The following RNASEL variants were observed in gnomAD, a reference collection of about 807,000 sequenced individuals.
RNASEL encodes the protein ribonuclease L.
Under a neutral mutation model 50.9 loss-of-function variants are expected in RNASEL, and 36 were observed. The observed-to-expected ratio is 0.71, with a 90% confidence interval of 0.54 to 0.93. The LOEUF (loss-of-function observed/expected upper bound fraction) is 0.93. Among genes scored for constraint, RNASEL ranks in the 40% least tolerant of loss-of-function variants. The pLI, the probability that RNASEL is intolerant of heterozygous loss-of-function variation, is 0.00. For synonymous variants in RNASEL, 335 were observed against 335.6 expected, an observed-to-expected ratio of 1.00 and a Z score of 0.02; for missense variants, 860 against 894.5, an observed-to-expected ratio of 0.96 and a Z score of 0.49.
At chr1:182,580,126 T>C in intron 5 of RNASEL, 1 of 353,012 alleles carries the variant, frequency 2.8e-6, no homozygotes, top group Admixed American at 4.0e-5. Context: ...AATCATTAGC[T>C]ATCACTATCA....
Position 182,574,877 on chromosome 1 carries a change from GT to G in RNASEL, c.*514del. On this transcript the variant is annotated 3_prime_UTR_variant, in exon 7 of 7. Transcript: ENST00000367559. ...TGAGATTCCTGGAACCCCTATATAT[GT>G]TTTGGGCCTCATCTGGAAGAGCCCT... 4.1e-6 allele frequency: 1 copy of G among 241,028 alleles called. No individual in the cohort carries two copies. Among genetic ancestry groups the G allele is most frequent in the Non-Finnish European group, 8.1e-6 (1 of 123,098 alleles). 14.9% of individuals were successfully genotyped at this position (241,028 alleles called of 1,614,324 possible).
At position 182,573,722 on chromosome 1, in the gene RNASEL, A is replaced by C. The variant is rs1661334344; in HGVS notation, c.*1670T>G. 5.5e-6 allele frequency: 1 copy of C among 182,914 alleles called. No individual in the cohort carries two copies. Among genetic ancestry groups the C allele is most frequent in the South Asian group, 2.0e-4 (1 of 5,100 alleles). The allele number at this position is 182,914 out of a possible 1,614,324, so 11.3% of individuals were successfully genotyped here. ...GTGCTCATTACAAATCAGAGAACCA[A>C]AGCTTCATTTTAAAAGTTAAAGCAA... On this transcript the variant is annotated 3_prime_UTR_variant, in exon 7 of 7. Transcript: ENST00000367559.
Position 182,576,301 on chromosome 1 carries a change from A to C in RNASEL, c.1994T>G (p.Phe665Cys), listed in dbSNP as rs200188532. ...YQNTVGDLLK[F>C]IRNLGEHIDE... ...AATGTGTTCTCCCAAATTCCGGATGAACTTTAGCAGATCACCCACAGTGTT... is the reference window on the plus strand; with the variant it reads ...AATGTGTTCTCCCAAATTCCGGATGCACTTTAGCAGATCACCCACAGTGTT... The change falls in exon 6 of 7, where the codon TTC becomes TGC. Residue 665 changes from phenylalanine to cysteine, a missense_variant. By Grantham distance (205) the Phe-to-Cys change is radical. Coordinates refer to ENST00000367559, the MANE Select transcript of RNASEL (RefSeq NM_021133.4). The C allele has an allele frequency of 5.6e-5, 91 of 1,612,798 alleles. No homozygotes were observed. The Admixed American group carries it at 1.5e-3, about 26-fold the overall frequency.
intron 6 of RNASEL, 104 bp downstream of exon 6, chr1:182,576,152 C>T: frequency 8.2e-7 from 1 of 1,220,080 alleles, no homozygotes; most frequent in Admixed American, 2.1e-5. Context: ...TTTCTTTCAT[C>T]AAAATAAATT....
In RNASEL at chr1:182,575,335, T is replaced by C. The variant is rs2102361980; in HGVS notation, c.*57A>G. ...AGTTAAAAGGCCCAGAATGTTGTGA[T>C]TTGCCAAGGACTCTACAGCTAATAA... On this transcript the variant is annotated 3_prime_UTR_variant, in exon 7 of 7. Coordinates refer to ENST00000367559, the MANE Select transcript of RNASEL (RefSeq NM_021133.4). The C allele has an allele frequency of 6.3e-7, 1 of 1,577,124 alleles. No homozygotes were observed. Among genetic ancestry groups the C allele is most frequent in the Non-Finnish European group, 8.7e-7 (1 of 1,147,760 alleles).
chr1:182,575,111 G>A lies in RNASEL; in HGVS notation c.*281C>T. ...AAGTGAGAGAATTGTAACATATGCA[G>A]CATTAGGGGTCAAGGCACTCATTCT... On this transcript the variant is annotated 3_prime_UTR_variant, in exon 7 of 7. Coordinates refer to ENST00000367559, the MANE Select transcript of RNASEL (RefSeq NM_021133.4). The A allele has an allele frequency of 2.0e-6, 1 of 489,894 alleles. No homozygotes were observed. Among genetic ancestry groups the A allele is most frequent in the South Asian group, 2.4e-5 (1 of 41,156 alleles). 30.3% of individuals were successfully genotyped at this position (489,894 alleles called of 1,614,324 possible). A position where few individuals can be genotyped will look rare whatever the true frequency, so the allele number is the denominator to read the frequency against.
Position 182,585,364 on chromosome 1 carries a change from G to A in RNASEL, c.1443C>T (p.Tyr481=), listed in dbSNP as rs2102369756. The change falls in exon 2 of 7, where the codon TAC becomes TAT. Residue 481 remains tyrosine (Y), a synonymous_variant. Coordinates refer to ENST00000367559, the MANE Select transcript of RNASEL (RefSeq NM_021133.4). Reference sequence around the variant, plus strand: ...TTTGTGGTTGCAGATCCTGGTGGGTGTATCCACAGGACAAGTGTAGTTCTT... The same window carrying A: ...TTTGTGGTTGCAGATCCTGGTGGGTATATCCACAGGACAAGTGTAGTTCTT... ...AVQELHLSCG[Y]THQDLQPQNI... is the part of the protein sequence containing the mutation. 1 of 1,614,138 alleles carries A rather than the reference G, an allele frequency of 6.2e-7. No individual in the cohort carries two copies. Among genetic ancestry groups the A allele is most frequent in the Non-Finnish European group, 8.5e-7 (1 of 1,179,988 alleles).
In RNASEL at chr1:182,586,342, T is replaced by C; in HGVS notation, c.465A>G (p.Arg155=). 1 of 1,614,224 alleles carries C rather than the reference T, an allele frequency of 6.2e-7. No homozygotes were observed. Among genetic ancestry groups the C allele is most frequent in the Non-Finnish European group, 8.5e-7 (1 of 1,180,036 alleles). The change falls in exon 2 of 7, where the codon CGA becomes CGG. Residue 155 remains arginine, a synonymous_variant. Coordinates refer to ENST00000367559, the MANE Select transcript of RNASEL (RefSeq NM_021133.4). ...YKRGANVNLR[R]KTKEDQERLR... ...GCCGCTCTTGATCCTCCTTTGTCTT[T>C]CGCCTCAAATTCACATTTGCTCCTC...
At position 182,581,286 on chromosome 1, in the gene RNASEL, A is replaced by C; in HGVS notation, c.1844T>G (p.Leu615Arg). The C allele has an allele frequency of 6.2e-7, 1 of 1,614,156 alleles. No individual in the cohort carries two copies. Among genetic ancestry groups the C allele is most frequent in the Non-Finnish European group, 8.5e-7 (1 of 1,180,018 alleles). Residue 615 changes from leucine to arginine, a missense_variant, in exon 5 of 7, where the codon CTC becomes CGC. Leu to Arg is a moderately radical substitution (Grantham distance 102, BLOSUM62 -2). Transcript: ENST00000367559. ...AGAAGGCCCAGGTTGCAGTAGTCTG[A>C]GGATCTCACTTTCAGATTTTCGTGT... ...IKTRKSESEILRLLQPGPSEH... is the reference protein window; with the variant it reads ...IKTRKSESEIRRLLQPGPSEH...
In RNASEL at chr1:182,586,517, A is replaced by T. The variant is rs745721846; in HGVS notation, c.290T>A (p.Ile97Asn). 6.2e-7 allele frequency: 1 copy of T among 1,610,912 alleles called. No individual in the cohort carries two copies. The highest frequency in any genetic ancestry group is 1.1e-5 in the South Asian group (1 of 90,992). Residue 97 changes from isoleucine (I) to asparagine (N), a missense_variant, in exon 2 of 7, where the codon ATC becomes AAC. Transcript: ENST00000367559. Reference sequence around the variant, plus strand: ...CACGCTCCCCGCAATCGCTGCGAGGATAAAAGGCGTGGCCCCATTCTTCTT... The same window carrying T: ...CACGCTCCCCGCAATCGCTGCGAGGTTAAAAGGCGTGGCCCCATTCTTCTT... ...LRKKNGATPF[I>N]LAAIAGSVKL...
In RNASEL at chr1:182,575,575, C is replaced by T; in HGVS notation, c.2043G>A (p.Met681Ile). ...EHIDEEKHKK[M>I]KLKIGDPSLY... ...GGGAAGGGTCTCCAATTTTTAATTT[C>T]ATCCTGAAATAAAACACAAATTGTT... Residue 681 changes from methionine (M) to isoleucine (I), a missense_variant, in exon 7 of 7, where the codon ATG becomes ATA. Coordinates refer to ENST00000367559, the MANE Select transcript of RNASEL (RefSeq NM_021133.4). The T allele has an allele frequency of 1.2e-6, 2 of 1,614,144 alleles. No individual in the cohort carries two copies. Among genetic ancestry groups the T allele is most frequent in the African/African-American group, 2.7e-5 (2 of 75,068 alleles).
rs146629478 is a variant in RNASEL, at chr1:182,587,109, T to C, written c.-164-139A>G. ...CTTTTAAATTACAGAATATTATAAA[T>C]ATATGTAAATTCAAAATAAGAAAAT... is the stretch of plus-strand genomic sequence containing the variant. On this transcript the variant is annotated intron_variant, in intron 1 of 6. Transcript: ENST00000367559. The C allele has an allele frequency of 3.2e-3, 643 of 203,070 alleles. 4 individuals are homozygous for C. Among genetic ancestry groups the C allele is most frequent in the African/African-American group, 0.014 (615 of 43,074 alleles). The allele number at this position is 203,070 out of a possible 1,614,324, so 12.6% of individuals were successfully genotyped here. A position where few individuals can be genotyped will look rare whatever the true frequency, so the allele number is the denominator to read the frequency against.
In RNASEL at chr1:182,579,558, T is replaced by C. The variant is rs916421790; in HGVS notation, c.1905+1667A>G. 46 of 1,143,724 alleles carry C rather than the reference T, an allele frequency of 4.0e-5. 1 individual carries two copies. In the African/African-American group the frequency reaches 4.8e-4, roughly 12 times the overall value. 70.8% of individuals were successfully genotyped at this position (1,143,724 alleles called of 1,614,324 possible). ...GGCAAGTCAAGAACCAATACAGTCATACAAGCTGGAAAACTTGGGCTCCAG... is the reference window on the plus strand; with the variant it reads ...GGCAAGTCAAGAACCAATACAGTCACACAAGCTGGAAAACTTGGGCTCCAG... On this transcript the variant is annotated intron_variant, in intron 5 of 6. Transcript: ENST00000367559.
rs771198323 is a variant in RNASEL, at chr1:182,586,285, G to T, written c.522C>A (p.Asp174Glu). ...CCTCTACGTGTCCTTTTTCAGCAGC[G>T]TCCATGAGAGCTGTGGCCCCTCCTT... Reference protein sequence around the residue: ...LRKGGATALMDAAEKGHVEVL... With the variant: ...LRKGGATALMEAAEKGHVEVL... Residue 174 changes from aspartate (D) to glutamate (E), a missense_variant, in exon 2 of 7, where the codon GAC becomes GAA. Asp to Glu is a conservative substitution (Grantham distance 45). Transcript: ENST00000367559. 7 of 1,614,138 alleles carry T rather than the reference G, an allele frequency of 4.3e-6. No homozygotes were observed. In the Admixed American group the frequency reaches 1.2e-4, roughly 27 times the overall value.
rs1027055312 is a variant in RNASEL, at chr1:182,574,675, A to G, written c.*717T>C. ...AGCATGCTCCCCACAAAGCTGTGAC[A>G]CCAAAAACTTCTTCAGACTCTGCCA... On this transcript the variant is annotated 3_prime_UTR_variant, in exon 7 of 7. Coordinates refer to ENST00000367559, the MANE Select transcript of RNASEL (RefSeq NM_021133.4). 4 of 232,850 alleles carry G rather than the reference A, an allele frequency of 1.7e-5. No homozygotes were observed. Among genetic ancestry groups the G allele is most frequent in the African/African-American group, 8.8e-5 (4 of 45,234 alleles). 14.4% of individuals were successfully genotyped at this position (232,850 alleles called of 1,614,324 possible). A position where few individuals can be genotyped will look rare whatever the true frequency, so the allele number is the denominator to read the frequency against.
chr1:182,577,367 A>G (rs1001742513), intron 5 of RNASEL, among the ~76,000 whole-genome samples: 1 of 152,130 alleles, frequency 6.6e-6, no homozygotes, highest in Non-Finnish European at 1.5e-5. Flanking sequence ...ATTATACTAT[A>G]CAATATTTTT....
intron 3 of RNASEL, among the ~76,000 whole-genome samples, chr1:182,583,723 T>C (rs1276584960): frequency 6.6e-6 from 1 of 152,208 alleles, no homozygotes; most frequent in Non-Finnish European, 1.5e-5. Flanking sequence ...TGCTGGATGC[T>C]TCCTGCCCTC....
Position 182,581,387 on chromosome 1 carries a change from A to G in RNASEL, c.1773-30T>C, listed in dbSNP as rs372580114. ...AGATGACTAAATGATCTAAATGATC[A>G]TGATCATCCCATCCCTCCCTTTCCT... is the stretch of plus-strand genomic sequence containing the variant. On this transcript the variant is annotated intron_variant, in intron 4 of 6. Transcript: ENST00000367559. The G allele has an allele frequency of 3.0e-5, 48 of 1,613,362 alleles. No homozygotes were observed. In the African/African-American group the frequency reaches 5.1e-4, roughly 17 times the overall value.
chr1:182,574,278 A>G lies in RNASEL; in HGVS notation c.*1114T>C. 4.4e-6 allele frequency: 1 copy of G among 225,834 alleles called. No individual in the cohort carries two copies. Among genetic ancestry groups the G allele is most frequent in the Non-Finnish European group, 8.8e-6 (1 of 113,468 alleles). The allele number at this position is 225,834 out of a possible 1,614,324, so 14.0% of individuals were successfully genotyped here. ...GACAGCCATCGCCCGTGAGGAGCCT[A>G]CATTCCAGTGGAGGAACCAAAACTA... On this transcript the variant is annotated 3_prime_UTR_variant, in exon 7 of 7. Coordinates refer to ENST00000367559, the MANE Select transcript of RNASEL (RefSeq NM_021133.4).
Sources: gnomAD v4.1 joint callset for allele counts (sites outside exome capture counted in the v4.1 genomes callset) on GRCh38, gnomAD v4.1.1 for gene constraint, MANE v1.5 for transcripts, NCBI Gene and HGNC (gene_info 2026-07-23, HGNC 2026-07-21) for gene names.